PCDHGB7: variants seen among roughly 807,000 people sequenced by gnomAD.
PCDHGB7 encodes protocadherin gamma subfamily B, 7.
Under a neutral mutation model 61.4 loss-of-function variants are expected in PCDHGB7, and 37 were observed. The ratio of observed to expected loss-of-function variants is 0.60; its 90% confidence interval spans 0.46 to 0.79. The LOEUF is 0.79. Among genes scored for constraint, PCDHGB7 ranks in the 30% least tolerant of loss-of-function variants. The pLI, the probability that PCDHGB7 is intolerant of heterozygous loss-of-function variation, is 0.00. For missense variants in PCDHGB7, 1,166 were observed against 1,202.5 expected (o/e 0.97, Z 0.45); for synonymous variants, 464 against 503.5 (o/e 0.92, Z 1.05).
chr5:141,491,641 C>T lies in PCDHGB7; in HGVS notation c.2416-3166C>T. Reference sequence around the variant, plus strand: ...CCTCAGCGTTCAGCAGCCCACAGCTCTGGCGCTGGAGCCTGACGCCATCCG... The same window carrying T: ...CCTCAGCGTTCAGCAGCCCACAGCTTTGGCGCTGGAGCCTGACGCCATCCG... On this transcript the variant is annotated intron_variant, in intron 1 of 3. Coordinates refer to ENST00000398594, the MANE Select transcript of PCDHGB7 (RefSeq NM_018927.4). The surrounding 1 kb of genome is among the most constrained non-coding windows in gnomAD (Gnocchi z 6.9). The T allele has an allele frequency of 6.2e-7, 1 of 1,613,896 alleles. No homozygotes were observed. Among genetic ancestry groups the T allele is most frequent in the Non-Finnish European group, 8.5e-7 (1 of 1,180,018 alleles).
In PCDHGB7 at chr5:141,418,637, T is replaced by A; in HGVS notation, c.778T>A (p.Ser260Thr). 1 of 1,613,998 alleles carries A rather than the reference T, an allele frequency of 6.2e-7. No homozygotes were observed. Residue 260 changes from serine (S) to threonine (T), a missense_variant, in exon 1 of 4, where the codon TCC becomes ACC. Physicochemically the swap from Ser to Thr is moderately conservative, Grantham distance 58. Transcript: ENST00000398594. ...TCGGGAAGACGTGCCTCCAGGCACCTCCATCCTGAGAGTGAAGGCCACTGA... is the reference window on the plus strand; with the variant it reads ...TCGGGAAGACGTGCCTCCAGGCACCACCATCCTGAGAGTGAAGGCCACTGA... Reference protein sequence around the residue: ...SLREDVPPGTSILRVKATDQD... With the variant: ...SLREDVPPGTTILRVKATDQD...
rs774271747 is a variant in PCDHGB7 at position 141,485,866 on chromosome 5, C to A, written c.2416-8941C>A. On this transcript the variant is annotated intron_variant, in intron 1 of 3. Coordinates refer to ENST00000398594, the MANE Select transcript of PCDHGB7 (RefSeq NM_018927.4). The surrounding 1 kb of genome is among the most constrained non-coding windows in gnomAD (Gnocchi z 5.7). Reference sequence around the variant, plus strand: ...CTGGCACCGCAGAGCTCCGGGTATCCGTGCTGGACGTAAACGACAACGCCC... The same window carrying A: ...CTGGCACCGCAGAGCTCCGGGTATCAGTGCTGGACGTAAACGACAACGCCC... 2 of 1,614,144 alleles carry A rather than the reference C, an allele frequency of 1.2e-6. No homozygotes were observed. Among genetic ancestry groups the A allele is most frequent in the South Asian group, 1.1e-5 (1 of 91,074 alleles).
chr5:141,419,084 GC>G lies in PCDHGB7; in HGVS notation c.1228del (p.Leu410TrpfsTer29), dbSNP rs1218012099. Reference protein sequence around the residue: ...NNYYKLVTDEALDREQTPEYN... With the variant: ...NNYYKLVTDEXLDREQTPEYN... ...TTACTACAAGCTAGTAACAGATGAG[GC>G]CCTGGATCGGGAGCAGACCCCAGAG... On this transcript the variant is annotated frameshift_variant, in exon 1 of 4. Coordinates refer to ENST00000398594, the MANE Select transcript of PCDHGB7 (RefSeq NM_018927.4). LOFTEE classifies it high-confidence loss of function. The G allele has an allele frequency of 6.2e-7, 1 of 1,613,802 alleles. No individual in the cohort carries two copies. The highest frequency in any genetic ancestry group is 1.3e-5 in the African/African-American group (1 of 74,908).
At position 141,485,541 on chromosome 5, in the gene PCDHGB7, T is replaced by A; in HGVS notation, c.2416-9266T>A. 2 of 1,613,902 alleles carry A rather than the reference T, an allele frequency of 1.2e-6. No homozygotes were observed. Among genetic ancestry groups the A allele is most frequent in the Non-Finnish European group, 1.7e-6 (2 of 1,179,958 alleles). ...GAAATGTACCGAGCAGAGGTAGAGATCGTAGATGTGAATGATCACGCCCCC... is the reference window on the plus strand; with the variant it reads ...GAAATGTACCGAGCAGAGGTAGAGAACGTAGATGTGAATGATCACGCCCCC... On this transcript the variant is annotated intron_variant, in intron 1 of 3. Coordinates refer to ENST00000398594, the MANE Select transcript of PCDHGB7 (RefSeq NM_018927.4). The surrounding 1 kb of genome is among the most constrained non-coding windows in gnomAD (Gnocchi z 5.7).
intron 3 of PCDHGB7, among the ~76,000 whole-genome samples, chr5:141,508,957 C>T (rs1242113190): frequency 6.6e-6 from 1 of 151,976 alleles, no homozygotes; most frequent in Non-Finnish European, 1.5e-5. Context: ...GAAATGTCAG[C>T]GGAATGAAAG....
chr5:141,438,895 A>C (rs2098073582), intron 1 of PCDHGB7, among the ~76,000 whole-genome samples: 1 of 151,640 alleles, frequency 6.6e-6, no homozygotes, highest in Non-Finnish European at 1.5e-5. Flanking sequence ...TGAACTCCTG[A>C]CCTCAGGTGA....
At position 141,419,602 on chromosome 5, in the gene PCDHGB7, C is replaced by G. The variant is rs757423030; in HGVS notation, c.1743C>G (p.Ala581=). Residue 581 remains alanine, a synonymous_variant, in exon 1 of 4, where the codon GCC becomes GCG. Transcript: ENST00000398594. ...CGCTCTTCGACACAGTGCCGCGGGC[C>G]GCGCAGCCAGGCTACCTGGTGACCA... ...GSALFDTVPR[A]AQPGYLVTKV... The G allele has an allele frequency of 1.9e-6, 3 of 1,611,874 alleles. No individual in the cohort carries two copies. The highest frequency in any genetic ancestry group is 2.7e-5 in the African/African-American group (2 of 75,046).
Position 141,477,060 on chromosome 5 carries a change from C to G in PCDHGB7, c.2416-17747C>G. On this transcript the variant is annotated intron_variant, in intron 1 of 3. Coordinates refer to ENST00000398594, the MANE Select transcript of PCDHGB7 (RefSeq NM_018927.4). The surrounding 1 kb of genome is among the most constrained non-coding windows in gnomAD (Gnocchi z 4.9). ...AAGGGTCGGCTGGACTTCGAGGACA[C>G]CAAACTCCATGAGATTTACATCCAG... The G allele has an allele frequency of 1.2e-6, 2 of 1,614,256 alleles. No individual in the cohort carries two copies. The highest frequency in any genetic ancestry group is 2.2e-5 in the South Asian group (2 of 91,086).
chr5:141,497,829 C>T (rs754594104), intron 2 of PCDHGB7, among the ~76,000 whole-genome samples: 147 of 152,160 alleles, frequency 9.7e-4, no homozygotes, highest in Non-Finnish European at 1.8e-3. Flanking sequence ...TGTGATCGCC[C>T]CCGGCCACAA....
Position 141,418,418 on chromosome 5 carries a change from G to C in PCDHGB7, c.559G>C (p.Asp187His), listed in dbSNP as rs1366605966. 1 of 1,613,998 alleles carries C rather than the reference G, an allele frequency of 6.2e-7. No homozygotes were observed. Among genetic ancestry groups the C allele is most frequent in the East Asian group, 2.2e-5 (1 of 44,882 alleles). ...YFSLVEKDNP[D>H]GGKYPELVLQ... The stretch of plus-strand genomic sequence containing the variant: ...CTCATTGGTGGAGAAAGACAATCCT[G>C]ATGGTGGCAAATATCCAGAATTAGT... Residue 187 changes from aspartate to histidine, a missense_variant, in exon 1 of 4, where the codon GAT becomes CAT. Asp to His is a moderately conservative substitution (Grantham distance 81, BLOSUM62 -1). Coordinates refer to ENST00000398594, the MANE Select transcript of PCDHGB7 (RefSeq NM_018927.4).
At chr5:141,447,238 C>G (rs1028683423) in intron 1 of PCDHGB7, among the ~76,000 whole-genome samples, 2 of 152,148 alleles carry the variant, frequency 1.3e-5, no homozygotes, top group Non-Finnish European at 2.9e-5. Context: ...CTCCCGGGTT[C>G]AAGTGATTCT....
intron 1 of PCDHGB7, among the ~76,000 whole-genome samples, chr5:141,420,845 G>A (rs1038454602): frequency 6.6e-6 from 1 of 152,200 alleles, no homozygotes; most frequent in African/African-American, 2.4e-5. Flanking sequence ...GGTGTTCTTG[G>A]TAAAGTTTTA....
rs1215626157 is a variant in PCDHGB7, at chr5:141,487,804, GT to G, written c.2416-7000del. ...TCGTGAATTAACCAGAGTTGTCACAGTTTAGCATTGGGGGCGGGTCATGCCT... is the reference window on the plus strand; with the variant it reads ...TCGTGAATTAACCAGAGTTGTCACAGTTAGCATTGGGGGCGGGTCATGCCT... On this transcript the variant is annotated intron_variant, in intron 1 of 3. Transcript: ENST00000398594. The surrounding 1 kb of genome is among the most constrained non-coding windows in gnomAD (Gnocchi z 5.0). 15 of 1,451,846 alleles carry G rather than the reference GT, an allele frequency of 1.0e-5. No homozygotes were observed. The highest frequency in any genetic ancestry group is 1.3e-5 in the Non-Finnish European group (14 of 1,072,382). 89.9% of individuals were successfully genotyped at this position (1,451,846 alleles called of 1,614,324 possible).
chr5:141,426,691 G>A, intron 1 of PCDHGB7: 1 of 435,886 alleles, frequency 2.3e-6, no homozygotes, highest in South Asian at 1.6e-5. Context: ...CCCCAAAATA[G>A]CATTGTTTTA....
chr5:141,431,237 C>A lies in PCDHGB7; in HGVS notation c.2415+10963C>A. 1 of 1,614,170 alleles carries A rather than the reference C, an allele frequency of 6.2e-7. No homozygotes were observed. Among genetic ancestry groups the A allele is most frequent in the Non-Finnish European group, 8.5e-7 (1 of 1,180,044 alleles). The stretch of plus-strand genomic sequence containing the variant: ...GTTCCCTCTACCCCACGCCTGGGAT[C>A]CGGATATCGGGAAGAACTCTCTGCA... On this transcript the variant is annotated intron_variant, in intron 1 of 3. Transcript: ENST00000398594. The surrounding 1 kb of genome is among the most constrained non-coding windows in gnomAD (Gnocchi z 4.8).
chr5:141,478,155 G>A (rs138384601), intron 1 of PCDHGB7: 1 of 1,613,992 alleles, frequency 6.2e-7, no homozygotes, highest in Non-Finnish European at 8.5e-7. Context: ...TTCCCCTCTG[G>A]CTCTGCCCCC....
In PCDHGB7 at chr5:141,419,204, G is replaced by A. The variant is rs1291977951; in HGVS notation, c.1345G>A (p.Ala449Thr). 1 of 1,613,798 alleles carries A rather than the reference G, an allele frequency of 6.2e-7. No homozygotes were observed. The highest frequency in any genetic ancestry group is 8.5e-7 in the Non-Finnish European group (1 of 1,179,908). ...TLHITDVNDN[A>T]PVFGQSAYLV... ...GCACATTACTGACGTCAATGACAAC[G>A]CGCCGGTTTTCGGACAGTCAGCCTA... is the stretch of plus-strand genomic sequence containing the variant. Residue 449 changes from alanine (A) to threonine (T), a missense_variant, in exon 1 of 4, where the codon GCG (alanine) becomes ACG (threonine). Transcript: ENST00000398594.
Position 141,476,658 on chromosome 5 carries a change from C to A in PCDHGB7, c.2416-18149C>A, listed in dbSNP as rs182518072. On this transcript the variant is annotated intron_variant, in intron 1 of 3. Transcript: ENST00000398594. The surrounding 1 kb of genome is among the most constrained non-coding windows in gnomAD (Gnocchi z 7.6). ...GAGCTGAGCCGAAATGAATACTTTGCGCTTCGCGTGCAGACGCGGGAGGAC... is the reference window on the plus strand; with the variant it reads ...GAGCTGAGCCGAAATGAATACTTTGAGCTTCGCGTGCAGACGCGGGAGGAC... 2 of 1,614,244 alleles carry A rather than the reference C, an allele frequency of 1.2e-6. No homozygotes were observed. The highest frequency in any genetic ancestry group is 2.2e-5 in the East Asian group (1 of 44,878).
chr5:141,478,326 C>T, intron 1 of PCDHGB7: 1 of 1,613,950 alleles, frequency 6.2e-7, no homozygotes, highest in Admixed American at 1.7e-5. Flanking sequence ...CTGTACCGAA[C>T]ACCAGGGCCC....
Sources: gnomAD v4.1 joint callset for allele counts (sites outside exome capture counted in the v4.1 genomes callset) on GRCh38, gnomAD v4.1.1 for gene constraint, Gnocchi (gnomAD v3.1) non-coding constraint, MANE v1.5 for transcripts, NCBI Gene and HGNC (gene_info 2026-07-23, HGNC 2026-07-21) for gene names.